ZNF93: variants seen among roughly 807,000 people sequenced by gnomAD.
ZNF93 encodes the protein zinc finger protein 505.
Under a neutral mutation model 45.0 loss-of-function variants are expected in ZNF93, and 29 were observed. The ratio of observed to expected loss-of-function variants is 0.64; its 90% CI spans 0.48 to 0.88. The LOEUF (loss-of-function observed/expected upper bound fraction) is 0.88. ZNF93 is among the 40% of genes least tolerant of loss of function. The pLI, the probability that ZNF93 is intolerant of heterozygous loss-of-function variation, is 0.00. For missense variants in ZNF93, 578 were observed against 724.0 expected, an observed-to-expected ratio of 0.80 and a Z score of 2.31; for synonymous variants, 223 against 244.6, an observed-to-expected ratio of 0.91 and a Z score of 0.82.
At chr19:19,924,764 A>G (rs544618949) in intron 3 of ZNF93, among the ~76,000 whole-genome samples, 1 of 151,402 alleles carries the variant, frequency 6.6e-6, no homozygotes, top group South Asian at 2.1e-4. Flanking sequence ...GTGATTTTGT[A>G]TTTTTAGTAG....
rs200160159 is a variant in ZNF93 at position 19,933,439 on chromosome 19, A to G, written c.484A>G (p.Arg162Gly). The change falls in exon 4 of 4, where the codon AGA (arginine) becomes GGA (glycine). Residue 162 changes from arginine to glycine, a missense_variant. Physicochemically the swap from Arg to Gly is moderately radical, Grantham distance 125 (BLOSUM62 -2). Coordinates refer to ENST00000343769, the MANE Select transcript of ZNF93 (RefSeq NM_031218.4). Reference protein sequence around the residue: ...KVFHKFSNSNRHNIRHTEKKP... With the variant: ...KVFHKFSNSNGHNIRHTEKKP... ...CTTTCATAAATTTTCAAATTCAAAT[A>G]GACATAATATAAGACATACTGAAAA... 5.6e-6 allele frequency: 9 copies of G among 1,594,888 alleles called. No homozygotes were observed. The highest frequency in any genetic ancestry group is 7.7e-6 in the Non-Finnish European group (9 of 1,174,504).
chr19:19,926,897 C>T (rs2063357837), intron 3 of ZNF93, among the ~76,000 whole-genome samples: 1 of 151,954 alleles, frequency 6.6e-6, no homozygotes, highest in African/African-American at 2.4e-5. Flanking sequence ...TTTATCTTGT[C>T]TAAGTGAGAG....
In ZNF93 at chr19:19,933,960, T is replaced by C. The variant is rs1380228301; in HGVS notation, c.1005T>C (p.His335=). ...SRILTTHKRI[H]TGEKPYKCNK... ...TCCTTACTACACATAAGAGAATTCATACTGGAGAGAAACCATACAAGTGTA... is the reference window on the plus strand; with the variant it reads ...TCCTTACTACACATAAGAGAATTCACACTGGAGAGAAACCATACAAGTGTA... The change falls in exon 4 of 4, where the codon CAT becomes CAC. Residue 335 remains histidine (H), a synonymous_variant. Coordinates refer to ENST00000343769, the MANE Select transcript of ZNF93 (RefSeq NM_031218.4). The C allele has an allele frequency of 3.1e-6, 5 of 1,612,464 alleles. No homozygotes were observed. In the Admixed American group the frequency reaches 6.7e-5, roughly 22 times the overall value.
At chr19:19,932,471 A>C (rs1244907104) in intron 3 of ZNF93, 1 of 152,022 alleles carries the variant, frequency 6.6e-6, no homozygotes, top group Admixed American at 6.6e-5. Context: ...CGGCTGGGTC[A>C]CTTTATTTTG....
chr19:19,903,925 G>T (rs1252717072), intron 1 of ZNF93, among the ~76,000 whole-genome samples: 1 of 151,748 alleles, frequency 6.6e-6, no homozygotes, highest in Admixed American at 6.6e-5. Context: ...ACAAAAACTA[G>T]GCGGGCGCTT....
intron 1 of ZNF93, among the ~76,000 whole-genome samples, chr19:19,912,698 C>CA: frequency 6.7e-6 from 1 of 149,810 alleles, no homozygotes; most frequent in Admixed American, 6.7e-5. Context: ...TTATTCTATA[C>CA]AATTTTTTAA....
At chr19:19,930,781 G>C (rs942569807) in intron 3 of ZNF93, among the ~76,000 whole-genome samples, 1 of 152,054 alleles carries the variant, frequency 6.6e-6, no homozygotes, top group Non-Finnish European at 1.5e-5. Context: ...AATGATTAAT[G>C]ATATTCATAT....
intron 1 of ZNF93, among the ~76,000 whole-genome samples, chr19:19,901,581 G>A (rs1485487680): frequency 1.3e-5 from 2 of 151,846 alleles, no homozygotes; most frequent in Non-Finnish European, 2.9e-5. Flanking sequence ...GGGCAGCTAA[G>A]TTCCTCTTCA....
intron 1 of ZNF93, among the ~76,000 whole-genome samples, chr19:19,911,819 G>A (rs1468160849): frequency 6.6e-6 from 1 of 151,328 alleles, no homozygotes; most frequent in Non-Finnish European, 1.5e-5. Flanking sequence ...GCACGATCTC[G>A]GCTCACTGTA....
chr19:19,930,388 G>A (rs1291965884), intron 3 of ZNF93, among the ~76,000 whole-genome samples: 4 of 152,148 alleles, frequency 2.6e-5, no homozygotes, highest in Middle Eastern at 3.2e-3. Context: ...TTAGGCCTCC[G>A]GATAACTGCA....
chr19:19,918,917 A>G (rs1307319939), intron 3 of ZNF93, among the ~76,000 whole-genome samples: 1 of 149,450 alleles, frequency 6.7e-6, no homozygotes, highest in East Asian at 1.9e-4. Context: ...GTTCACTCTG[A>G]TGGTAGTTTT....
chr19:19,924,926 A>G (rs1599571851), intron 3 of ZNF93, among the ~76,000 whole-genome samples: 1 of 152,226 alleles, frequency 6.6e-6, no homozygotes, highest in Non-Finnish European at 1.5e-5. Flanking sequence ...AGAACTGACC[A>G]TAAACTGTGG....
Position 19,935,370 on chromosome 19 carries a change from G to A in ZNF93, c.*552G>A, listed in dbSNP as rs1347345111. 3 of 153,312 alleles carry A rather than the reference G, an allele frequency of 2.0e-5. No homozygotes were observed. The allele number at this position is 153,312 out of a possible 1,614,324, so 9.5% of individuals were successfully genotyped here. ...ACCCCTCATCACTACAAATTCAGAGGGCATCTCATCACCCTAAGGGCCCAA... is the reference window on the plus strand; with the variant it reads ...ACCCCTCATCACTACAAATTCAGAGAGCATCTCATCACCCTAAGGGCCCAA... On this transcript the variant is annotated 3_prime_UTR_variant, in exon 4 of 4. Transcript: ENST00000343769.
chr19:19,902,592 T>C (rs1305491567), intron 1 of ZNF93, among the ~76,000 whole-genome samples: 1 of 151,806 alleles, frequency 6.6e-6, no homozygotes, highest in Non-Finnish European at 1.5e-5. Context: ...TAGCTTTTTC[T>C]GGGGAGCCTC....
chr19:19,912,802 G>C (rs2063313076), intron 1 of ZNF93, among the ~76,000 whole-genome samples: 1 of 152,150 alleles, frequency 6.6e-6, no homozygotes, highest in African/African-American at 2.4e-5. Flanking sequence ...AGCTCCCCGG[G>C]TGTTAAGAGA....
At chr19:19,925,905 G>A (rs556012925) in intron 3 of ZNF93, among the ~76,000 whole-genome samples, 61 of 152,042 alleles carry the variant, frequency 4.0e-4, no homozygotes, top group African/African-American at 1.4e-3. Context: ...TAAAACAAAA[G>A]TAACTCTAGG....
intron 3 of ZNF93, among the ~76,000 whole-genome samples, chr19:19,917,412 CTT>C (rs1568509531): frequency 6.8e-6 from 1 of 146,524 alleles, no homozygotes; most frequent in Admixed American, 6.8e-5. Flanking sequence ...TTTTTTATCT[CTT>C]AGTTAATTTT....
At position 19,914,645 on chromosome 19, in the gene ZNF93, C is replaced by A. The variant is rs954621001; in HGVS notation, c.4-635C>A. The A allele has an allele frequency of 1.3e-4, 25 of 199,812 alleles. 1 individual carries two copies. The Admixed American group carries it at 1.3e-3, about 10-fold the overall frequency. 12.4% of individuals were successfully genotyped at this position (199,812 alleles called of 1,614,324 possible). On this transcript the variant is annotated intron_variant, in intron 1 of 3. Coordinates refer to ENST00000343769, the MANE Select transcript of ZNF93 (RefSeq NM_031218.4). Reference sequence around the variant, plus strand: ...CCTTATCCAGCGGATTTGCATAAACCATCACATTTAATCTGTCAGTTGTCC... The same window carrying A: ...CCTTATCCAGCGGATTTGCATAAACAATCACATTTAATCTGTCAGTTGTCC...
chr19:19,918,148 TG>T (rs2063330532), intron 3 of ZNF93, among the ~76,000 whole-genome samples: 1 of 151,452 alleles, frequency 6.6e-6, no homozygotes, highest in African/African-American at 2.4e-5. Context: ...CTCCTTCCTG[TG>T]TCCAAGTGTT....
Sources: allele counts gnomAD v4.1 joint callset (sites outside exome capture counted in the v4.1 genomes callset), GRCh38; gene constraint gnomAD v4.1.1; transcripts MANE v1.5; gene names NCBI Gene and HGNC (gene_info 2026-07-23, HGNC 2026-07-21).